NMBR: variants seen among roughly 807,000 people sequenced by gnomAD.
NMBR encodes neuromedin-B receptor.
Under a neutral mutation model 20.5 loss-of-function variants are expected in NMBR, and 16 were observed. The observed-to-expected ratio is 0.78, with a 90% CI of 0.53 to 1.19. The LOEUF (loss-of-function observed/expected upper bound fraction) is 1.19. NMBR is among the 50% of genes most tolerant of loss of function. NMBR has a pLI of 0.00. For synonymous variants in NMBR, 212 were observed against 196.6 expected (o/e 1.08, Z -0.65); for missense variants, 582 against 499.1 (o/e 1.17, Z -1.58).
chr6:142,084,838 G>A (rs922242912), intron 2 of NMBR, among the ~76,000 whole-genome samples: 4 of 152,094 alleles, frequency 2.6e-5, no homozygotes, highest in East Asian at 1.9e-4. Context: ...CTTATGGGGC[G>A]CCACCAACCT....
intron 1 of NMBR, among the ~76,000 whole-genome samples, chr6:142,138,310 A>G (rs547536665): frequency 5.3e-5 from 8 of 152,270 alleles, no homozygotes; most frequent in Middle Eastern, 3.4e-3. Context: ...TCTGGATCTA[A>G]GGTTTTCATC....
chr6:142,134,597 G>A, intron 1 of NMBR: 1 of 663,650 alleles, frequency 1.5e-6, no homozygotes, highest in Non-Finnish European at 2.7e-6. Flanking sequence ...TATGCTGCAT[G>A]TAAAAGCATC....
chr6:142,131,509 A>G (rs1335275377), intron 1 of NMBR, among the ~76,000 whole-genome samples: 2 of 152,174 alleles, frequency 1.3e-5, no homozygotes, highest in Non-Finnish European at 2.9e-5. Flanking sequence ...AGCTGTTAGC[A>G]TGCAAGAAAC....
intron 1 of NMBR, among the ~76,000 whole-genome samples, chr6:142,144,907 C>T (rs372654494): frequency 5.9e-5 from 9 of 151,278 alleles, no homozygotes; most frequent in African/African-American, 2.2e-4. Flanking sequence ...GCCTGTGGTC[C>T]CAGTTACTCA....
At chr6:142,123,166 T>A (rs995515646) in intron 1 of NMBR, among the ~76,000 whole-genome samples, 1 of 151,864 alleles carries the variant, frequency 6.6e-6, no homozygotes, top group Admixed American at 6.6e-5. Context: ...TCAAAAGAAG[T>A]TGATTCCAAA....
chr6:142,117,249 A>G (rs1032393870), intron 1 of NMBR, among the ~76,000 whole-genome samples: 3 of 152,012 alleles, frequency 2.0e-5, no homozygotes, highest in African/African-American at 7.2e-5. Context: ...GTTTTAGTTC[A>G]TATGACTCCA....
chr6:142,079,086 A>AAGAGAGAGAG lies in NMBR; in HGVS notation c.423-184_423-183insCTCTCTCTCT, dbSNP rs747389224. Among the ~76,000 whole-genome samples, 4 of 112,750 alleles carry AAGAGAGAGAG rather than the reference A, an allele frequency of 3.5e-5. No homozygotes were observed. In the East Asian group the frequency reaches 8.4e-4, roughly 24 times the overall value. 74.0% of individuals were successfully genotyped at this position (112,750 alleles called of 152,430 possible). On this transcript the variant is annotated intron_variant, in intron 2 of 3. Coordinates refer to ENST00000258042, the MANE Select transcript of NMBR (RefSeq NM_002511.4). The stretch of plus-strand genomic sequence containing the variant: ...AGAGAGAGAAAGAGAGAAAGAAAGA[A>AAGAGAGAGAG]AGAGAGAAAGAGAGAGAGAGAAAGA...
At chr6:142,095,942 A>T (rs1372711540) in intron 1 of NMBR, among the ~76,000 whole-genome samples, 1 of 152,050 alleles carries the variant, frequency 6.6e-6, no homozygotes, top group Non-Finnish European at 1.5e-5. Context: ...ATTTGCATAG[A>T]GGTGTTTACA....
chr6:142,142,631 C>A (rs989107688), intron 1 of NMBR, among the ~76,000 whole-genome samples: 1 of 151,714 alleles, frequency 6.6e-6, no homozygotes, highest in Non-Finnish European at 1.5e-5. Context: ...TAACGTTGAA[C>A]TGGAATTCAA....
Position 142,075,431 on chromosome 6 carries a change from T to A in NMBR, c.*217A>T, listed in dbSNP as rs1208099612. Among the ~76,000 whole-genome samples the A allele has an allele frequency of 1.3e-5, 2 of 152,076 alleles. No individual in the cohort carries two copies. The highest frequency in any genetic ancestry group is 2.4e-5 in the African/African-American group (1 of 41,410). On this transcript the variant is annotated 3_prime_UTR_variant, in exon 4 of 4. Coordinates refer to ENST00000258042, the MANE Select transcript of NMBR (RefSeq NM_002511.4). Reference sequence around the variant, plus strand: ...AATACATATATATACATATATGTATTATATGTAGTGATTTAAAGTCTTTTC... The same window carrying A: ...AATACATATATATACATATATGTATAATATGTAGTGATTTAAAGTCTTTTC...
At chr6:142,094,072 T>G (rs1453285377) in intron 1 of NMBR, among the ~76,000 whole-genome samples, 2 of 152,148 alleles carry the variant, frequency 1.3e-5, no homozygotes, top group African/African-American at 4.8e-5. Flanking sequence ...GTGAGTAGAT[T>G]GCAAAAATTT....
At chr6:142,083,786 A>G (rs1302387358) in intron 2 of NMBR, among the ~76,000 whole-genome samples, 1 of 152,168 alleles carries the variant, frequency 6.6e-6, no homozygotes, top group Non-Finnish European at 1.5e-5. Context: ...TGCCTCCTGT[A>G]CAGCCTGTGG....
At chr6:142,094,842 T>C (rs929516041) in intron 1 of NMBR, among the ~76,000 whole-genome samples, 15 of 152,300 alleles carry the variant, frequency 9.8e-5, no homozygotes, top group African/African-American at 3.6e-4. Context: ...CAGTGGTTTG[T>C]AGTTCTCCTT....
chr6:142,133,179 A>C lies in NMBR; in HGVS notation c.-664+13865T>G, dbSNP rs1156807827. On this transcript the variant is annotated intron_variant, in intron 1 of 3. Coordinates refer to ENST00000258042, the MANE Select transcript of NMBR (RefSeq NM_002511.4). The stretch of plus-strand genomic sequence containing the variant: ...GAGACATGTCTCTAAATTACATCAA[A>C]AACTTCTATGAAGGATGTGTAAGTA... The C allele has an allele frequency of 4.4e-6, 3 of 687,732 alleles. No individual in the cohort carries two copies. The South Asian group carries it at 4.6e-5, about 11-fold the overall frequency. 42.6% of individuals were successfully genotyped at this position (687,732 alleles called of 1,614,324 possible).
At chr6:142,099,559 C>T (rs1293173659) in intron 1 of NMBR, among the ~76,000 whole-genome samples, 4 of 151,998 alleles carry the variant, frequency 2.6e-5, no homozygotes, top group Non-Finnish European at 5.9e-5. Flanking sequence ...CCACCAGGCC[C>T]CTCCCCCGAC....
At chr6:142,115,241 A>C (rs934937632) in intron 1 of NMBR, among the ~76,000 whole-genome samples, 1 of 152,156 alleles carries the variant, frequency 6.6e-6, no homozygotes, top group Non-Finnish European at 1.5e-5. Context: ...AGAGAAAAGA[A>C]ATTTAAATTT....
intron 1 of NMBR, among the ~76,000 whole-genome samples, chr6:142,096,216 G>A (rs1777448930): frequency 6.6e-6 from 1 of 151,974 alleles, no homozygotes. Context: ...GTTTGCTCTT[G>A]TTTCTCTAGT....
rs576107232 is a variant in NMBR, at chr6:142,137,328, T to C, written c.-664+9716A>G. On this transcript the variant is annotated intron_variant, in intron 1 of 3. Transcript: ENST00000258042. ...TATTGGTGTCTACGAATGCTTGTGA[T>C]TTTTGTACATTGATTTTGTATCCTG... Among the ~76,000 whole-genome samples, 1,359 of 152,290 alleles carry C rather than the reference T, an allele frequency of 8.9e-3. 19 individuals are homozygous for C. The highest frequency in any genetic ancestry group is 0.038 in the South Asian group (181 of 4,824).
At chr6:142,126,220 A>C (rs1200935907) in intron 1 of NMBR, among the ~76,000 whole-genome samples, 1 of 149,470 alleles carries the variant, frequency 6.7e-6, no homozygotes, top group African/African-American at 2.5e-5. Flanking sequence ...AAATGGCAGG[A>C]TTTTCCTCCT....
Sources: gnomAD v4.1 joint callset for allele counts (sites outside exome capture counted in the v4.1 genomes callset) on GRCh38, gnomAD v4.1.1 for gene constraint, MANE v1.5 for transcripts, NCBI Gene and HGNC (gene_info 2026-07-23, HGNC 2026-07-21) for gene names.